Variants in PREP observed in about 807,000 individuals in gnomAD.
PREP encodes the protein dJ355L5.1 (prolyl endopeptidase).
Under a neutral mutation model 87.6 loss-of-function variants are expected in PREP, and 29 were observed. The ratio of observed to expected loss-of-function variants is 0.33; its 90% CI spans 0.25 to 0.45. PREP has a LOEUF of 0.45. Among genes scored for constraint, PREP ranks in the 20% least tolerant of loss-of-function variants. PREP has a pLI of 1.00. For missense variants in PREP, 695 were observed against 886.5 expected, an observed-to-expected ratio of 0.78 and a Z score of 2.74; for synonymous variants, 337 against 328.6, an observed-to-expected ratio of 1.03 and a Z score of -0.28.
intron 6 of PREP, among the ~76,000 whole-genome samples, chr6:105,353,509 G>A (rs948176494): frequency 8.6e-5 from 13 of 152,016 alleles, no homozygotes; most frequent in Non-Finnish European, 1.2e-4. Context: ...AGTGGTTCAC[G>A]CCTGTAATCC....
intron 10 of PREP, among the ~76,000 whole-genome samples, chr6:105,294,363 C>A (rs1770363289): frequency 6.6e-6 from 1 of 152,184 alleles, no homozygotes; most frequent in African/African-American, 2.4e-5. Flanking sequence ...CAATTAATAT[C>A]AACTAAAACC....
chr6:105,342,623 T>C (rs574505512), intron 7 of PREP, among the ~76,000 whole-genome samples: 69 of 152,312 alleles, frequency 4.5e-4, no homozygotes, highest in African/African-American at 1.6e-3. Flanking sequence ...CGATTGTATA[T>C]TTAGAAAACC....
At chr6:105,361,745 G>A (rs1772251963) in intron 6 of PREP, among the ~76,000 whole-genome samples, 1 of 151,964 alleles carries the variant, frequency 6.6e-6, no homozygotes, top group Non-Finnish European at 1.5e-5. Context: ...GTGAATCATG[G>A]CAACATCCCT....
intron 2 of PREP, among the ~76,000 whole-genome samples, chr6:105,397,191 A>C (rs1010453302): frequency 5.9e-5 from 9 of 151,820 alleles, no homozygotes; most frequent in African/African-American, 1.5e-4. Context: ...TCTACAAAAA[A>C]AAAAAAAAAA....
intron 7 of PREP, among the ~76,000 whole-genome samples, chr6:105,346,457 C>G (rs1037285220): frequency 6.6e-6 from 1 of 152,142 alleles, no homozygotes; most frequent in Non-Finnish European, 1.5e-5. Context: ...TTTAATGACA[C>G]AAAAGCCTTA....
At chr6:105,326,266 T>G (rs777581562) in intron 9 of PREP, among the ~76,000 whole-genome samples, 18 of 152,202 alleles carry the variant, frequency 1.2e-4, no homozygotes, top group Admixed American at 2.0e-4. Flanking sequence ...CACGCAGGTC[T>G]GGAGCTCACC....
chr6:105,300,223 G>A (rs1770503608), intron 10 of PREP, among the ~76,000 whole-genome samples: 1 of 152,120 alleles, frequency 6.6e-6, no homozygotes, highest in Non-Finnish European at 1.5e-5. Flanking sequence ...TTAAAAAGGA[G>A]ACTCACTCAA....
At chr6:105,292,792 G>A (rs1770326913) in intron 10 of PREP, among the ~76,000 whole-genome samples, 1 of 152,204 alleles carries the variant, frequency 6.6e-6, no homozygotes, top group African/African-American at 2.4e-5. Flanking sequence ...TAGATCTTCT[G>A]GAGAACTTGC....
chr6:105,274,304 G>T lies in PREP; in HGVS notation c.*3840C>A, dbSNP rs920015389. 6.6e-6 allele frequency among the ~76,000 whole-genome samples: 1 copy of T among 151,616 alleles called. No homozygotes were observed. The highest frequency in any genetic ancestry group is 2.1e-4 in the South Asian group (1 of 4,788). ...ATGGTGGAAGGGATGGGGCGGGGGG[G>T]TCTCTCCTTGGGCTCTAATATAAAG... On this transcript the variant is annotated 3_prime_UTR_variant, in exon 15 of 15. Transcript: ENST00000652536.
intron 10 of PREP, among the ~76,000 whole-genome samples, chr6:105,305,353 C>T (rs187880450): frequency 7.9e-4 from 120 of 152,218 alleles, no homozygotes; most frequent in Non-Finnish European, 1.2e-3. Flanking sequence ...TTAAATGGGA[C>T]TGTATGAAGC....
At chr6:105,334,747 G>A (rs1050457415) in intron 7 of PREP, among the ~76,000 whole-genome samples, 2 of 108,098 alleles carry the variant, frequency 1.9e-5, no homozygotes, top group Non-Finnish European at 3.6e-5. Context: ...ACAGAGATGC[G>A]GTCTCTCCAT....
At chr6:105,352,775 G>C (rs1049991016) in intron 7 of PREP, among the ~76,000 whole-genome samples, 197 bp downstream of exon 7, 1 of 152,140 alleles carries the variant, frequency 6.6e-6, no homozygotes, top group African/African-American at 2.4e-5. Context: ...TCAATCTACA[G>C]AGAAAATGCT....
At position 105,276,226 on chromosome 6, in the gene PREP, C is replaced by T. The variant is rs372292791; in HGVS notation, c.*1918G>A. ...AAAAATTAGGTTGGAAAAGAGAACTCGTAACTGGAGGCCAATCATGCTAGG... is the reference window on the plus strand; with the variant it reads ...AAAAATTAGGTTGGAAAAGAGAACTTGTAACTGGAGGCCAATCATGCTAGG... On this transcript the variant is annotated 3_prime_UTR_variant, in exon 15 of 15. Transcript: ENST00000652536. 2.6e-5 allele frequency among the ~76,000 whole-genome samples: 4 copies of T among 152,306 alleles called. No homozygotes were observed. Among genetic ancestry groups the T allele is most frequent in the African/African-American group, 7.2e-5 (3 of 41,568 alleles).
chr6:105,397,995 A>G, intron 1 of PREP, 68 bp from the exon 2 acceptor site: 1 of 1,236,054 alleles, frequency 8.1e-7, no homozygotes. Flanking sequence ...TATTTTTTTA[A>G]TGTAATGGAG....
chr6:105,371,441 C>T (rs1007529892), intron 5 of PREP, among the ~76,000 whole-genome samples: 1 of 126,832 alleles, frequency 7.9e-6, no homozygotes, highest in Non-Finnish European at 1.5e-5. Flanking sequence ...GTACAGGTTG[C>T]AGTGAGCTGA....
chr6:105,360,916 T>G (rs942512593), intron 6 of PREP, among the ~76,000 whole-genome samples: 1 of 152,084 alleles, frequency 6.6e-6, no homozygotes, highest in Non-Finnish European at 1.5e-5. Context: ...ACTGGGTCAT[T>G]TGAAGGCTTT....
chr6:105,285,630 C>A (rs1225677504), intron 11 of PREP, 50 bp from the exon 12 acceptor site: 6 of 1,456,554 alleles, frequency 4.1e-6, no homozygotes, highest in South Asian at 1.1e-5. Flanking sequence ...CTAGTGAAGA[C>A]CATGCCCTCT....
At chr6:105,285,687 T>A in intron 11 of PREP, 107 bp from the exon 12 acceptor site, 1 of 821,596 alleles carries the variant, frequency 1.2e-6, no homozygotes, top group Non-Finnish European at 2.0e-6. Context: ...CTGAGTAATA[T>A]CATCTCAATA....
At chr6:105,396,473 T>A (rs763257797) in intron 2 of PREP, among the ~76,000 whole-genome samples, 4 of 152,148 alleles carry the variant, frequency 2.6e-5, no homozygotes, top group African/African-American at 7.2e-5. Flanking sequence ...CCATATACCA[T>A]CATGCTCTGG....
Sources: allele counts gnomAD v4.1 joint callset (sites outside exome capture counted in the v4.1 genomes callset), GRCh38; gene constraint gnomAD v4.1.1; transcripts MANE v1.5; gene names NCBI Gene and HGNC (gene_info 2026-07-23, HGNC 2026-07-21).